Variants in JAK2 observed in about 807,000 individuals in gnomAD.
The protein encoded by JAK2 is Janus kinase 2, also known as tyrosine-protein kinase JAK2.
JAK2 carries 86 observed loss-of-function variants against 139.3 expected under a neutral mutation model. That is an observed-to-expected ratio of 0.62 (90% CI 0.52 to 0.74). The LOEUF (loss-of-function observed/expected upper bound fraction) is 0.74, where lower values mean the gene tolerates loss of function less well. Ranked by LOEUF, JAK2 falls within the 30% of genes least tolerant of loss-of-function variation. The pLI is 0.00. For synonymous variants in JAK2, 490 were observed against 437.7 expected (o/e 1.12, Z -1.49); for missense variants, 1,421 against 1,360.3 (o/e 1.04, Z -0.70).
chr9:5,092,223 A>T (rs1227034018), intron 22 of JAK2, among the ~76,000 whole-genome samples: 3 of 152,182 alleles, frequency 2.0e-5, no homozygotes, highest in Non-Finnish European at 4.4e-5. Flanking sequence ...GGGCTCAAGG[A>T]GGATTTAGCA....
At chr9:5,075,746 G>A (rs1487872846) in intron 14 of JAK2, among the ~76,000 whole-genome samples, 2 of 152,168 alleles carry the variant, frequency 1.3e-5, no homozygotes, top group East Asian at 3.8e-4. Context: ...GTAGCCCATG[G>A]ATCAAGGAGT....
At chr9:5,083,263 CTCTG>C (rs1819841548) in intron 19 of JAK2, among the ~76,000 whole-genome samples, 1 of 152,180 alleles carries the variant, frequency 6.6e-6, no homozygotes, top group African/African-American at 2.4e-5. Flanking sequence ...CTAGCAGAGA[CTCTG>C]TCTATTAAAA....
chr9:5,114,557 C>T (rs1481525817), intron 22 of JAK2: 1 of 486,150 alleles, frequency 2.1e-6, no homozygotes, highest in Non-Finnish European at 4.0e-6. Context: ...CCCTCACCTG[C>T]CTGATCCAGA....
chr9:5,014,485 G>T (rs1203899930), intron 2 of JAK2, among the ~76,000 whole-genome samples: 1 of 152,112 alleles, frequency 6.6e-6, no homozygotes, highest in Non-Finnish European at 1.5e-5. Context: ...TCATTCTAGT[G>T]GTACAAGACA....
intron 5 of JAK2, among the ~76,000 whole-genome samples, chr9:5,050,295 T>G (rs1817322411): frequency 6.6e-6 from 1 of 152,230 alleles, no homozygotes; most frequent in Non-Finnish European, 1.5e-5. Context: ...TGCCATTTAT[T>G]TATTTATTAA....
chr9:5,092,967 A>C (rs965072561), intron 22 of JAK2, among the ~76,000 whole-genome samples: 2 of 152,222 alleles, frequency 1.3e-5, no homozygotes, highest in Non-Finnish European at 2.9e-5. Context: ...TAGTTGGCCC[A>C]AAAGCAGCCA....
rs1157073280 is a variant in JAK2, at chr9:5,065,880, A to T, written c.1215-798A>T. Among the ~76,000 whole-genome samples the T allele has an allele frequency of 2.0e-5, 3 of 152,160 alleles. No homozygotes were observed. The East Asian group carries it at 5.8e-4, about 29-fold the overall frequency. ...GAGAAAATACATCTTGGGTAATATAAAGAGTTGATTTAGTCTATGCTTAAT... is the reference window on the plus strand; with the variant it reads ...GAGAAAATACATCTTGGGTAATATATAGAGTTGATTTAGTCTATGCTTAAT... On this transcript the variant is annotated intron_variant, in intron 9 of 24. Coordinates refer to ENST00000381652, the MANE Select transcript of JAK2 (RefSeq NM_004972.4).
Position 5,024,461 on chromosome 9 carries a change from C to G in JAK2, c.226+2248C>G, listed in dbSNP as rs529894710. ...GTGTTTACCCAGTCCATTTACAACT[C>G]TGCCTTAGCCTTCCCTTCCTGCTTG... On this transcript the variant is annotated intron_variant, in intron 3 of 24. Transcript: ENST00000381652. 8.5e-5 allele frequency among the ~76,000 whole-genome samples: 13 copies of G among 152,192 alleles called. No individual in the cohort carries two copies. The South Asian group carries it at 2.5e-3, about 29-fold the overall frequency.
chr9:5,116,948 A>G (rs988294839), intron 22 of JAK2, among the ~76,000 whole-genome samples: 4 of 152,236 alleles, frequency 2.6e-5, no homozygotes, highest in East Asian at 1.9e-4. Context: ...TTTATGTAAG[A>G]TAACTAAGAT....
At chr9:5,095,037 A>C (rs1471998502) in intron 22 of JAK2, 2 of 148,402 alleles carry the variant, frequency 1.3e-5, no homozygotes, top group Admixed American at 1.4e-4. Flanking sequence ...GTCTGACAAA[A>C]GAATTACTTT....
At chr9:5,069,304 A>G in intron 11 of JAK2, 96 bp downstream of exon 11, 1 of 742,998 alleles carries the variant, frequency 1.3e-6, no homozygotes, top group South Asian at 2.1e-5. Context: ...GGATATATGA[A>G]AGAAGCAGCT....
intron 2 of JAK2, among the ~76,000 whole-genome samples, chr9:5,002,304 A>G (rs578055560): frequency 4.6e-5 from 7 of 151,906 alleles, no homozygotes; most frequent in East Asian, 1.9e-4. Context: ...TCTAACCACT[A>G]TTTTAGCTGT....
intron 3 of JAK2, among the ~76,000 whole-genome samples, chr9:5,024,657 G>A (rs1822661909): frequency 6.6e-6 from 1 of 152,094 alleles, no homozygotes; most frequent in African/African-American, 2.4e-5. Context: ...TTTTCAGTGT[G>A]TTTATTGTTT....
chr9:5,071,547 G>A (rs1229175392), intron 12 of JAK2, among the ~76,000 whole-genome samples: 1 of 152,148 alleles, frequency 6.6e-6, no homozygotes, highest in Admixed American at 6.6e-5. Context: ...AGGATGAAAA[G>A]TAAATTACTT....
intron 22 of JAK2, chr9:5,099,304 C>G (rs1211136181): frequency 6.6e-6 from 1 of 151,562 alleles, no homozygotes. Flanking sequence ...TAAAATATTT[C>G]AAAACCTGAT....
At chr9:5,111,129 G>T in intron 22 of JAK2, 1 of 1,103,174 alleles carries the variant, frequency 9.1e-7, no homozygotes, top group Non-Finnish European at 1.3e-6. Flanking sequence ...ACCCCAGCTG[G>T]ACGTTCAGCG....
chr9:5,033,347 C>G (rs895235590), intron 4 of JAK2, among the ~76,000 whole-genome samples: 1 of 152,206 alleles, frequency 6.6e-6, no homozygotes, highest in Admixed American at 6.5e-5. Flanking sequence ...CTTCCCTAAT[C>G]TAGCGAGGCA....
At chr9:5,072,712 C>A in intron 13 of JAK2, 86 bp downstream of exon 13, 1 of 1,025,120 alleles carries the variant, frequency 9.8e-7, no homozygotes, top group South Asian at 3.6e-5. Context: ...ATGTGTGCAG[C>A]TTTTCAAAAT....
At chr9:5,081,968 GA>G in intron 19 of JAK2, 107 bp downstream of exon 19, 24 of 869,212 alleles carry the variant, frequency 2.8e-5, no homozygotes, top group South Asian at 7.0e-5. Flanking sequence ...AGTGCTTGTA[GA>G]AAAAAAAGGT....
Sources: gnomAD v4.1 joint callset for allele counts (sites outside exome capture counted in the v4.1 genomes callset) on GRCh38, gnomAD v4.1.1 for gene constraint, MANE v1.5 for transcripts, NCBI Gene and HGNC (gene_info 2026-07-23, HGNC 2026-07-21) for gene names.